MAD1L1: variants seen among roughly 807,000 people sequenced by gnomAD.
MAD1L1 encodes the protein mitotic arrest deficient 1 like 1.
Under a neutral mutation model 96.9 loss-of-function variants are expected in MAD1L1, and 95 were observed. That is an observed-to-expected ratio of 0.98 (90% CI 0.83 to 1.16). The LOEUF (loss-of-function observed/expected upper bound fraction) is 1.16. Among genes scored for constraint, MAD1L1 ranks in the 50% most tolerant of loss-of-function variants. The pLI is 0.00. For synonymous variants in MAD1L1, 473 were observed against 396.6 expected (o/e 1.19, Z -2.29); for missense variants, 1,007 against 954.4 (o/e 1.06, Z -0.73).
intron 18 of MAD1L1, chr7:1,872,803 T>C (rs1785175938): frequency 6.6e-6 from 1 of 152,226 alleles, no homozygotes; most frequent in Admixed American, 6.5e-5. Context: ...CCGAGCCTTC[T>C]GTGTGCTGAG....
intron 12 of MAD1L1, among the ~76,000 whole-genome samples, chr7:2,056,340 C>A (rs1177991057): frequency 6.6e-6 from 1 of 152,180 alleles, no homozygotes; most frequent in South Asian, 2.1e-4. Context: ...GAAGAGACGG[C>A]GATCAGAAGC....
chr7:2,024,500 G>T (rs6950026), intron 12 of MAD1L1, among the ~76,000 whole-genome samples: 28,865 of 152,058 alleles, frequency 0.19, 5,395 homozygotes, highest in African/African-American at 0.48. Context: ...AGAAATTGGC[G>T]GTGAGCCAAT....
Position 1,862,291 on chromosome 7 carries a change from A to G in MAD1L1, c.1998+35909T>C, listed in dbSNP as rs80110226. ...CCTGGCCCCAGCTGTGAGGACTGAA[A>G]TATCTCCAGATGTTGCCACGGGTCC... On this transcript the variant is annotated intron_variant, in intron 18 of 18. Coordinates refer to ENST00000265854, the MANE Select transcript of MAD1L1 (RefSeq NM_001013836.2). Among the ~76,000 whole-genome samples, 88 of 152,306 alleles carry G rather than the reference A, an allele frequency of 5.8e-4. 1 individual carries two copies. In the East Asian group the frequency reaches 0.016, roughly 28 times the overall value.
intron 18 of MAD1L1, among the ~76,000 whole-genome samples, chr7:1,835,352 C>T (rs1220694723): frequency 1.3e-5 from 2 of 152,150 alleles, no homozygotes; most frequent in Non-Finnish European, 2.9e-5. Flanking sequence ...CACAAGCATC[C>T]AGTGTGGGCA....
intron 17 of MAD1L1, among the ~76,000 whole-genome samples, chr7:1,911,822 T>C (rs1195495455): frequency 6.6e-6 from 1 of 152,224 alleles, no homozygotes; most frequent in Non-Finnish European, 1.5e-5. Context: ...ATCCTATCCC[T>C]CTCCCCTGGA....
At chr7:1,975,643 T>C (rs1440846995) in intron 15 of MAD1L1, among the ~76,000 whole-genome samples, 1 of 152,126 alleles carries the variant, frequency 6.6e-6, no homozygotes, top group Non-Finnish European at 1.5e-5. Flanking sequence ...AAAAGAACAT[T>C]AAAAGTCTAG....
chr7:1,955,156 G>A (rs1411375281), intron 16 of MAD1L1, among the ~76,000 whole-genome samples: 1 of 152,204 alleles, frequency 6.6e-6, no homozygotes, highest in Non-Finnish European at 1.5e-5. Flanking sequence ...AACTAGTCAA[G>A]CCCCTCTCCA....
intron 18 of MAD1L1, among the ~76,000 whole-genome samples, chr7:1,892,721 G>A (rs967750396): frequency 2.0e-5 from 3 of 152,154 alleles, no homozygotes; most frequent in African/African-American, 7.2e-5. Flanking sequence ...GTGCAGTTCC[G>A]GAATCTGTGC....
chr7:1,999,053 A>C (rs764379832), intron 14 of MAD1L1, among the ~76,000 whole-genome samples: 2 of 151,950 alleles, frequency 1.3e-5, no homozygotes, highest in Non-Finnish European at 2.9e-5. Flanking sequence ...CCCACACTCC[A>C]CAGAGTCCCC....
intron 11 of MAD1L1, among the ~76,000 whole-genome samples, chr7:2,087,893 T>C (rs1357090110): frequency 6.6e-6 from 1 of 152,000 alleles, no homozygotes; most frequent in Non-Finnish European, 1.5e-5. Context: ...CGCTAGCAGC[T>C]GAAGGGAAAA....
chr7:1,941,289 G>A (rs1778985487), intron 16 of MAD1L1, among the ~76,000 whole-genome samples: 1 of 152,134 alleles, frequency 6.6e-6, no homozygotes, highest in Non-Finnish European at 1.5e-5. Flanking sequence ...CACAGCCCCA[G>A]CCCCCAGCCC....
intron 13 of MAD1L1, among the ~76,000 whole-genome samples, chr7:2,006,755 G>A (rs1442115225): frequency 6.6e-6 from 1 of 152,178 alleles, no homozygotes; most frequent in South Asian, 2.1e-4. Flanking sequence ...GACCCAAGAC[G>A]ACGCTCTCTG....
At chr7:1,871,969 G>A (rs1374231624) in intron 18 of MAD1L1, among the ~76,000 whole-genome samples, 2 of 152,180 alleles carry the variant, frequency 1.3e-5, no homozygotes, top group Non-Finnish European at 2.9e-5. Flanking sequence ...AGAAAGCAGA[G>A]GGAGGGAGAG....
At chr7:1,831,820 C>T (rs1020070963) in intron 18 of MAD1L1, among the ~76,000 whole-genome samples, 2 of 152,220 alleles carry the variant, frequency 1.3e-5, no homozygotes, top group East Asian at 1.9e-4. Context: ...TCTGTTCAAA[C>T]GTAGCACAGT....
intron 18 of MAD1L1, among the ~76,000 whole-genome samples, chr7:1,865,550 G>T (rs1006156377): frequency 6.6e-6 from 1 of 152,258 alleles, no homozygotes; most frequent in Admixed American, 6.5e-5. Flanking sequence ...CAGATGGGAA[G>T]ATGAGTCTTT....
chr7:1,857,690 AG>A, intron 18 of MAD1L1, among the ~76,000 whole-genome samples: 1 of 152,318 alleles, frequency 6.6e-6, no homozygotes, highest in African/African-American at 2.4e-5. Context: ...AGCAAAAAAG[AG>A]GACACAGGAG....
chr7:2,008,751 C>A (rs1021355781), intron 13 of MAD1L1, among the ~76,000 whole-genome samples: 8 of 146,114 alleles, frequency 5.5e-5, no homozygotes, highest in Admixed American at 1.4e-4. Flanking sequence ...CAGCCTCAGA[C>A]GCAGACACGC....
At position 2,103,958 on chromosome 7, in the gene MAD1L1, A is replaced by C. The variant is rs1786953286; in HGVS notation, c.1074-34620T>G. On this transcript the variant is annotated intron_variant, in intron 11 of 18. Coordinates refer to ENST00000265854, the MANE Select transcript of MAD1L1 (RefSeq NM_001013836.2). This position sits in a 1 kb window ranked among gnomAD's most constrained non-coding sequence, Gnocchi z 4.3. ...AAAGAGGCCCCCAGACACATGGCAG[A>C]GAATCAAATATGCAGCCGGTGTCTG... is the stretch of plus-strand genomic sequence containing the variant. Among the ~76,000 whole-genome samples, 1 of 152,254 alleles carries C rather than the reference A, an allele frequency of 6.6e-6. No homozygotes were observed. The highest frequency in any genetic ancestry group is 2.4e-5 in the African/African-American group (1 of 41,462).
intron 10 of MAD1L1, among the ~76,000 whole-genome samples, chr7:2,168,836 G>A (rs1305073259): frequency 2.0e-5 from 3 of 152,202 alleles, no homozygotes; most frequent in Non-Finnish European, 4.4e-5. Flanking sequence ...AGAGGCCACC[G>A]GGAGGACTCA....
Sources: gnomAD v4.1 joint callset for allele counts (sites outside exome capture counted in the v4.1 genomes callset) on GRCh38, gnomAD v4.1.1 for gene constraint, Gnocchi (gnomAD v3.1) non-coding constraint, MANE v1.5 for transcripts, NCBI Gene and HGNC (gene_info 2026-07-23, HGNC 2026-07-21) for gene names.